The following CATSPER2 variants were observed in gnomAD, a reference collection of about 807,000 sequenced individuals.
CATSPER2 encodes the protein cation channel sperm associated 2.
In CATSPER2, 56 loss-of-function variants were observed where a neutral mutation model predicts 68.8. The observed-to-expected ratio is 0.81, with a 90% CI of 0.66 to 1.02. CATSPER2 has a LOEUF of 1.02. CATSPER2 is among the 50% of genes least tolerant of loss of function. CATSPER2 has a pLI of 0.00. For synonymous variants in CATSPER2, 198 were observed against 229.9 expected, an observed-to-expected ratio of 0.86 and a Z score of 1.26; for missense variants, 582 against 642.0, an observed-to-expected ratio of 0.91 and a Z score of 1.01.
In CATSPER2 at chr15:43,647,009, G is replaced by A. The variant is rs749177972; in HGVS notation, c.388+41C>T. 1.0e-5 allele frequency: 16 copies of A among 1,538,350 alleles called. No individual in the cohort carries two copies. In the Admixed American group the frequency reaches 1.8e-4, roughly 18 times the overall value. ...TAGGATTACACGTGTGAGCCGGCGT[G>A]CCCGGCCTCACTTCCTCTTTCATAC... On this transcript the variant is annotated intron_variant, in intron 4 of 12. Transcript: ENST00000396879.
At position 43,648,072 on chromosome 15, in the gene CATSPER2, A is replaced by C. The variant is rs202093954; in HGVS notation, c.-2-9T>G. The C allele has an allele frequency of 1.2e-6, 2 of 1,613,282 alleles. No homozygotes were observed. Among genetic ancestry groups the C allele is most frequent in the Non-Finnish European group, 1.7e-6 (2 of 1,179,540 alleles). ...TTGGTAAGCGGCCATGTCTGCTAAG[A>C]AAATGTAAGCATCAAGTGTCATTTC... On this transcript the variant is annotated splice_polypyrimidine_tract_variant and intron_variant, in intron 1 of 12. Coordinates refer to ENST00000396879, the MANE Select transcript of CATSPER2 (RefSeq NM_172095.4).
In CATSPER2 at chr15:43,628,958, T is replaced by C. The variant is rs1430788403; in HGVS notation, c.*1743A>G. 2 of 147,640 alleles carry C rather than the reference T, an allele frequency of 1.4e-5. No individual in the cohort carries two copies. The highest frequency in any genetic ancestry group is 5.2e-5 in the African/African-American group (2 of 38,614). The allele number at this position is 147,640 out of a possible 1,614,324, so 9.1% of individuals were successfully genotyped here. A position where few individuals can be genotyped will look rare whatever the true frequency, so the allele number is the denominator to read the frequency against. The stretch of plus-strand genomic sequence containing the variant: ...AGCACTCCAGATGCTTCATGCTTCC[T>C]CCCCATCAGTATCTTCACTCCAAGA... On this transcript the variant is annotated 3_prime_UTR_variant, in exon 13 of 13. Transcript: ENST00000396879.
Position 43,630,341 on chromosome 15 carries a change from T to G in CATSPER2, c.*360A>C, listed in dbSNP as rs1214659215. On this transcript the variant is annotated 3_prime_UTR_variant, in exon 13 of 13. Transcript: ENST00000396879. ...ATCCCTTATCTCAGGGTCACACTACTGAGCAGCTATCAGGAGTATTTATAA... is the reference window on the plus strand; with the variant it reads ...ATCCCTTATCTCAGGGTCACACTACGGAGCAGCTATCAGGAGTATTTATAA... 6.0e-6 allele frequency: 2 copies of G among 334,302 alleles called. No individual in the cohort carries two copies. The highest frequency in any genetic ancestry group is 1.2e-5 in the Non-Finnish European group (2 of 171,822). 20.7% of individuals were successfully genotyped at this position (334,302 alleles called of 1,614,324 possible).
At chr15:43,644,838 T>C (rs2086132979) in intron 4 of CATSPER2, among the ~76,000 whole-genome samples, 1 of 151,988 alleles carries the variant, frequency 6.6e-6, no homozygotes, top group Non-Finnish European at 1.5e-5. Context: ...ATAGTTACTA[T>C]TATTTACTTC....
rs1372881270 is a variant in CATSPER2 at position 43,636,300 on chromosome 15, C to A, written c.843-81G>T. ...GGTACCATTCTTACTTTTAAAGAAA[C>A]ATAAAGCATTTCTTTGTAGTTTGTT... On this transcript the variant is annotated intron_variant, in intron 7 of 12. Transcript: ENST00000396879. 1.4e-5 allele frequency: 21 copies of A among 1,547,486 alleles called. 1 individual carries two copies. Among genetic ancestry groups the A allele is most frequent in the Admixed American group, 7.0e-5 (4 of 57,402 alleles).
In CATSPER2 at chr15:43,639,730, C is replaced by A. The variant is rs2086039071; in HGVS notation, c.630G>T (p.Arg210Ser). 1 of 1,612,866 alleles carries A rather than the reference C, an allele frequency of 6.2e-7. No individual in the cohort carries two copies. Among genetic ancestry groups the A allele is most frequent in the African/African-American group, 1.3e-5 (1 of 74,670 alleles). Residue 210 changes from arginine (R) to serine (S), a missense_variant, in exon 6 of 13, where the codon AGG (arginine) becomes AGT (serine). By Grantham distance (110) the Arg-to-Ser change is moderately radical (BLOSUM62 -1). This residue lies in a region of CATSPER2 where 45 missense variants were observed against 80.2 expected (regional missense o/e 0.56). Coordinates refer to ENST00000396879, the MANE Select transcript of CATSPER2 (RefSeq NM_172095.4). ...TGAGAGACCTCAGCACCCGGCAGAT[C>A]CTCAGAAGCTGAAGCCACACCGATT... ...TGQSVWLQLL[R>S]ICRVLRSLKL... is the part of the protein sequence containing the mutation.
rs773648730 is a variant in CATSPER2 at position 43,647,345 on chromosome 15, G to T, written c.268C>A (p.Arg90Ser). The T allele has an allele frequency of 6.2e-7, 1 of 1,612,442 alleles. No individual in the cohort carries two copies. The highest frequency in any genetic ancestry group is 2.2e-5 in the East Asian group (1 of 44,862). The change falls in exon 3 of 13, where the codon CGC (arginine) becomes AGC (serine). Residue 90 changes from arginine (R) to serine (S), a missense_variant. Transcript: ENST00000396879. ...GAAAGAGGTGGCCTCTGACTGCAGC[G>T]CACATGAAGCCTGCTCAACAGCCTC... The part of the protein sequence containing the change: ...AQRLLSRLHV[R>S]CSQRPPLSLW...
Position 43,648,805 on chromosome 15 carries a change from C to A in CATSPER2, c.-179G>T. 1 of 1,532,818 alleles carries A rather than the reference C, an allele frequency of 6.5e-7. No individual in the cohort carries two copies. 95.0% of individuals were successfully genotyped at this position (1,532,818 alleles called of 1,614,324 possible). On this transcript the variant is annotated 5_prime_UTR_variant, in exon 1 of 13. Coordinates refer to ENST00000396879, the MANE Select transcript of CATSPER2 (RefSeq NM_172095.4). ...GGTTTCGGCTCACCCCGGGACCCGG[C>A]CCTAGCCCCTACCCACAGCCCAGGA...
intron 4 of CATSPER2, among the ~76,000 whole-genome samples, chr15:43,644,649 C>T (rs78161517): frequency 5.3e-5 from 8 of 151,840 alleles, no homozygotes; most frequent in Admixed American, 1.3e-4. Context: ...CACAGGAGGG[C>T]GAGCCCTATT....
At chr15:43,632,116 T>G (rs2085882197) in intron 12 of CATSPER2, 83 bp downstream of exon 12, 1 of 1,440,654 alleles carries the variant, frequency 6.9e-7, no homozygotes, top group Non-Finnish European at 9.8e-7. Flanking sequence ...GATGCCAGAA[T>G]AGTGGACACC....
chr15:43,639,308 A>G, intron 6 of CATSPER2: 1 of 459,542 alleles, frequency 2.2e-6, no homozygotes, highest in Non-Finnish European at 3.9e-6. Context: ...GCAGTGGCGC[A>G]GTCTCGGCTC....
At position 43,639,464 on chromosome 15, in the gene CATSPER2, A is replaced by G. The variant is rs565766820; in HGVS notation, c.717+179T>C. ...GTATTTTTAGTAGAGACAGGGTTTC[A>G]CCATGTTGGTCAGGCTGGTCTCGAA... On this transcript the variant is annotated intron_variant, in intron 6 of 12. Transcript: ENST00000396879. 6.8e-5 allele frequency: 40 copies of G among 588,420 alleles called. No individual in the cohort carries two copies. The African/African-American group carries it at 8.6e-4, about 13-fold the overall frequency. 36.4% of individuals were successfully genotyped at this position (588,420 alleles called of 1,614,324 possible).
chr15:43,639,236 A>T (rs1352273802), intron 6 of CATSPER2, among the ~76,000 whole-genome samples: 1 of 148,292 alleles, frequency 6.7e-6, no homozygotes, highest in Non-Finnish European at 1.5e-5. Flanking sequence ...ACCCACCCAG[A>T]TTTCTTTCAT....
intron 7 of CATSPER2, among the ~76,000 whole-genome samples, chr15:43,638,282 C>CTTTT (rs2086001783): frequency 1.0e-5 from 1 of 98,970 alleles, no homozygotes; most frequent in African/African-American, 6.6e-5. Flanking sequence ...CTTTTTCTTT[C>CTTTT]TTTCTTTTTT....
intron 4 of CATSPER2, among the ~76,000 whole-genome samples, chr15:43,641,241 C>T (rs146163343): frequency 6.6e-6 from 1 of 151,472 alleles, no homozygotes; most frequent in African/African-American, 2.4e-5. Context: ...CTCAGCCTTC[C>T]GAGTAGCTGG....
intron 4 of CATSPER2, among the ~76,000 whole-genome samples, chr15:43,644,357 G>A (rs1191788820): frequency 1.3e-5 from 2 of 151,918 alleles, no homozygotes; most frequent in Non-Finnish European, 2.9e-5. Context: ...AAATTTCCAG[G>A]AGCTTGCCAG....
Position 43,632,308 on chromosome 15 carries a change from C to T in CATSPER2, c.1452G>A (p.Met484Ile), listed in dbSNP as rs1338784955. 3 of 1,613,598 alleles carry T rather than the reference C, an allele frequency of 1.9e-6. No homozygotes were observed. The highest frequency in any genetic ancestry group is 1.3e-5 in the African/African-American group (1 of 74,804). ...TGGGCCAAACACGGTCATCCTGATCCATTTCCATTAGCCCGGGCAGATTTT... is the reference window on the plus strand; with the variant it reads ...TGGGCCAAACACGGTCATCCTGATCTATTTCCATTAGCCCGGGCAGATTTT... Reference protein sequence around the residue: ...VHENLPGLMEMDQDDRVWPRD... With the variant: ...VHENLPGLMEIDQDDRVWPRD... The change falls in exon 12 of 13, where the codon ATG becomes ATA. Residue 484 changes from methionine to isoleucine, a missense_variant. This residue lies in a region of CATSPER2 where 235 missense variants were observed against 264.2 expected (regional missense o/e 0.89). Coordinates refer to ENST00000396879, the MANE Select transcript of CATSPER2 (RefSeq NM_172095.4).
At chr15:43,645,276 A>T (rs1360637923) in intron 4 of CATSPER2, among the ~76,000 whole-genome samples, 1 of 151,332 alleles carries the variant, frequency 6.6e-6, no homozygotes, top group African/African-American at 2.4e-5. Context: ...GGCTGGTCTC[A>T]AACTCCTGAG....
chr15:43,640,246 C>T, intron 5 of CATSPER2, 78 bp downstream of exon 5: 1 of 1,592,142 alleles, frequency 6.3e-7, no homozygotes. Flanking sequence ...TTCCTATTAT[C>T]ATGTTAACTT....
Sources: gnomAD v4.1 joint callset for allele counts (sites outside exome capture counted in the v4.1 genomes callset) on GRCh38, gnomAD v4.1.1 for gene constraint, gnomAD v4.1.1 regional missense constraint, MANE v1.5 for transcripts, NCBI Gene and HGNC (gene_info 2026-07-23, HGNC 2026-07-21) for gene names.